Variants in GRID2IP observed in about 807,000 individuals in gnomAD.
GRID2IP encodes the protein Grid2 interacting protein.
GRID2IP carries 78 observed loss-of-function variants against 114.3 expected under a neutral mutation model. That is an observed-to-expected ratio of 0.68 (90% CI 0.57 to 0.82). The LOEUF (loss-of-function observed/expected upper bound fraction) is 0.82. GRID2IP is among the 40% of genes least tolerant of loss of function. The pLI is 0.00. For missense variants in GRID2IP, 1,727 were observed against 1,678.5 expected, an observed-to-expected ratio of 1.03 and a Z score of -0.51; for synonymous variants, 809 against 724.0, an observed-to-expected ratio of 1.12 and a Z score of -1.89.
chr7:6,517,724 G>A (rs1779336679), intron 7 of GRID2IP, among the ~76,000 whole-genome samples: 1 of 151,508 alleles, frequency 6.6e-6, no homozygotes. Flanking sequence ...CCAACATGGT[G>A]AAACCCCATC....
Position 6,551,419 on chromosome 7 carries a change from C to T in GRID2IP, c.18G>A (p.Thr6=), listed in dbSNP as rs759370897. The change falls in exon 1 of 22, where the codon ACG becomes ACA. Residue 6 remains threonine (T), a synonymous_variant. Transcript: ENST00000457091. MATTA[T]PATNQGWPED... is the part of the protein sequence containing the mutation. ...CTGGCCAGCCCTGGTTCGTGGCCGG[C>T]GTGGCAGTGGTGGCCATGCACCTAG... The T allele has an allele frequency of 1.2e-5, 18 of 1,543,964 alleles. No homozygotes were observed. The highest frequency in any genetic ancestry group is 6.9e-5 in the African/African-American group (5 of 72,384).
rs949591707 is a variant in GRID2IP, at chr7:6,510,381, T to G, written c.1673A>C (p.Glu558Ala). 2 of 1,541,538 alleles carry G rather than the reference T, an allele frequency of 1.3e-6. No individual in the cohort carries two copies. Among genetic ancestry groups the G allele is most frequent in the African/African-American group, 2.8e-5 (2 of 72,542 alleles). Residue 558 changes from glutamate (E) to alanine (A), a missense_variant, in exon 11 of 22, where the codon GAG becomes GCG. Glu to Ala is a moderately radical substitution (Grantham distance 107). Transcript: ENST00000457091. ...NPKMMSAVYA[E>A]LESRLNSSFK... ...GCTGCTGTTCAGTCGAGACTCAAGCTCTGCATAGACGGCTGACATCTGGAG... is the reference window on the plus strand; with the variant it reads ...GCTGCTGTTCAGTCGAGACTCAAGCGCTGCATAGACGGCTGACATCTGGAG...
chr7:6,512,251 T>G (rs1779188415), intron 8 of GRID2IP, among the ~76,000 whole-genome samples: 2 of 142,244 alleles, frequency 1.4e-5, no homozygotes, highest in South Asian at 4.5e-4. Flanking sequence ...TTTTTTTTTG[T>G]GACAGGTCTC....
chr7:6,534,257 C>A lies in GRID2IP; in HGVS notation c.584+5461G>T, dbSNP rs943472685. Among the ~76,000 whole-genome samples the A allele has an allele frequency of 2.6e-5, 4 of 152,170 alleles. No homozygotes were observed. The highest frequency in any genetic ancestry group is 9.7e-5 in the African/African-American group (4 of 41,442). On this transcript the variant is annotated intron_variant, in intron 2 of 21. Coordinates refer to ENST00000457091, the MANE Select transcript of GRID2IP (RefSeq NM_001145118.2). This position sits in a 1 kb window ranked among gnomAD's most constrained non-coding sequence, Gnocchi z 4.5. The stretch of plus-strand genomic sequence containing the variant: ...GAATCCCAGCTTCTACCATGACCTG[C>A]CCCTGACCTGACACCCCGTTCCCCC...
At chr7:6,533,692 T>TA (rs1779676074) in intron 2 of GRID2IP, among the ~76,000 whole-genome samples, 1 of 150,008 alleles carries the variant, frequency 6.7e-6, no homozygotes, top group African/African-American at 2.5e-5. Flanking sequence ...TTTTTTTTTT[T>TA]AAGAGATGGG....
rs1786282976 is a variant in GRID2IP, at chr7:6,497,405, A to G, written c.*369T>C. On this transcript the variant is annotated 3_prime_UTR_variant, in exon 22 of 22. Transcript: ENST00000457091. ...GTCGGCCCCCTCACAGGGACCCACT[A>G]GGAGCAGGATCAGAAAAAAGGTCCA... 1.7e-5 allele frequency: 3 copies of G among 175,220 alleles called. No individual in the cohort carries two copies. The South Asian group carries it at 5.1e-4, about 30-fold the overall frequency. 10.9% of individuals were successfully genotyped at this position (175,220 alleles called of 1,614,324 possible). A position where few individuals can be genotyped will look rare whatever the true frequency, so the allele number is the denominator to read the frequency against.
At chr7:6,535,132 G>A (rs942589164) in intron 2 of GRID2IP, among the ~76,000 whole-genome samples, 5 of 152,148 alleles carry the variant, frequency 3.3e-5, no homozygotes, top group Non-Finnish European at 7.4e-5. Flanking sequence ...TGATCCACCC[G>A]CCTCGGCCTC....
chr7:6,500,717 C>T (rs1786391462), intron 20 of GRID2IP, among the ~76,000 whole-genome samples: 1 of 152,252 alleles, frequency 6.6e-6, no homozygotes, highest in Non-Finnish European at 1.5e-5. Flanking sequence ...AGAGCTCTCC[C>T]CCTTACCTAG....
Position 6,551,437 on chromosome 7 carries a change from G to A in GRID2IP, c.-1C>T. The A allele has an allele frequency of 6.5e-7, 1 of 1,542,772 alleles. No homozygotes were observed. The highest frequency in any genetic ancestry group is 8.7e-7 in the Non-Finnish European group (1 of 1,143,282). On this transcript the variant is annotated 5_prime_UTR_variant, in exon 1 of 22. Coordinates refer to ENST00000457091, the MANE Select transcript of GRID2IP (RefSeq NM_001145118.2). ...TGGCCGGCGTGGCAGTGGTGGCCAT[G>A]CACCTAGAACTGGAGACAGAACAGG...
chr7:6,520,700 C>T lies in GRID2IP; in HGVS notation c.1146G>A (p.Ala382=), dbSNP rs1018844708. ...CCCGGATGCTGGACGGCAGGATCTC[C>T]GCCACCCACTGCAGGGAGGTGAGCG... ...SSALTSLQWV[A]EILPSSIRVQ... is the part of the protein sequence containing the mutation. The change falls in exon 7 of 22, where the codon GCG becomes GCA. Residue 382 remains alanine, a synonymous_variant. Transcript: ENST00000457091. This position sits in a 1 kb window ranked among gnomAD's most constrained non-coding sequence, Gnocchi z 4.6. The T allele has an allele frequency of 8.4e-6, 13 of 1,551,650 alleles. No individual in the cohort carries two copies. Among genetic ancestry groups the T allele is most frequent in the South Asian group, 7.1e-5 (6 of 84,058 alleles).
chr7:6,550,791 G>A (rs2115105912), intron 1 of GRID2IP, among the ~76,000 whole-genome samples: 1 of 151,756 alleles, frequency 6.6e-6, no homozygotes, highest in South Asian at 2.1e-4. Flanking sequence ...CCTGGCCACT[G>A]CACTCCAGCT....
chr7:6,504,508 G>C (rs1459233283), intron 15 of GRID2IP, among the ~76,000 whole-genome samples: 4 of 152,064 alleles, frequency 2.6e-5, no homozygotes, highest in Admixed American at 2.0e-4. Context: ...GGGTCTATGG[G>C]GGTCGGGCCA....
At position 6,551,242 on chromosome 7, in the gene GRID2IP, G is replaced by A. The variant is rs1310899786; in HGVS notation, c.195C>T (p.Leu65=). 2 of 1,530,710 alleles carry A rather than the reference G, an allele frequency of 1.3e-6. No individual in the cohort carries two copies. Among genetic ancestry groups the A allele is most frequent in the African/African-American group, 2.8e-5 (2 of 72,378 alleles). The allele number at this position is 1,530,710 out of a possible 1,614,324, so 94.8% of individuals were successfully genotyped here. ...GTGGGCAGCGCCGTGCCAGGCGCACGAGGCGCTCGCGGCTCAGACCGCCCA... is the reference window on the plus strand; with the variant it reads ...GTGGGCAGCGCCGTGCCAGGCGCACAAGGCGCTCGCGGCTCAGACCGCCCA... ...LAVGGLSRER[L]VRLARRCPRV... Residue 65 remains leucine, a synonymous_variant, in exon 1 of 22, where the codon CTC becomes CTT. Coordinates refer to ENST00000457091, the MANE Select transcript of GRID2IP (RefSeq NM_001145118.2).
chr7:6,497,964 G>A, intron 21 of GRID2IP, 100 bp downstream of exon 21: 1 of 1,415,038 alleles, frequency 7.1e-7, no homozygotes, highest in Admixed American at 2.3e-5. Flanking sequence ...GTCGCTCACT[G>A]GAGCCCCTTT....
intron 2 of GRID2IP, among the ~76,000 whole-genome samples, chr7:6,539,163 C>T (rs1439114327): frequency 2.0e-5 from 3 of 149,548 alleles, no homozygotes; most frequent in South Asian, 4.2e-4. Flanking sequence ...GTGTCTTGCT[C>T]TGTCATCCAG....
chr7:6,549,645 G>C (rs1238421024), intron 1 of GRID2IP, among the ~76,000 whole-genome samples: 1 of 152,090 alleles, frequency 6.6e-6, no homozygotes, highest in African/African-American at 2.4e-5. Context: ...GAGGGGAATG[G>C]AGTCTCACTC....
intron 7 of GRID2IP, 48 bp from the exon 8 acceptor site, chr7:6,514,577 A>G (rs944508640): frequency 7.6e-6 from 11 of 1,438,514 alleles, no homozygotes; most frequent in Non-Finnish European, 1.0e-5. Flanking sequence ...CGGGCTTACC[A>G]TGATGCACAG....
Position 6,521,271 on chromosome 7 carries a change from TC to T in GRID2IP, c.1084+157del, listed in dbSNP as rs1223221675. Among the ~76,000 whole-genome samples, 1 of 152,066 alleles carries T rather than the reference TC, an allele frequency of 6.6e-6. No homozygotes were observed. Among genetic ancestry groups the T allele is most frequent in the African/African-American group, 2.4e-5 (1 of 41,430 alleles). On this transcript the variant is annotated intron_variant, in intron 6 of 21. Coordinates refer to ENST00000457091, the MANE Select transcript of GRID2IP (RefSeq NM_001145118.2). This position sits in a 1 kb window ranked among gnomAD's most constrained non-coding sequence, Gnocchi z 4.1. ...CAGGCATGAGCCACCATGCCCAGCC[TC>T]ACTGGGGTTCTATAGCACCACTTAG...
rs747668983 is a variant in GRID2IP, at chr7:6,506,101, G to A, written c.2545-194C>T. 3.9e-5 allele frequency among the ~76,000 whole-genome samples: 6 copies of A among 152,214 alleles called. No individual in the cohort carries two copies. Among genetic ancestry groups the A allele is most frequent in the Non-Finnish European group, 5.9e-5 (4 of 68,038 alleles). ...CCGAGTCACCGGGTGCTGAGCCAGC[G>A]CCTCCTGGGGTCAATCGAGACTCAA... On this transcript the variant is annotated intron_variant, in intron 13 of 21. Coordinates refer to ENST00000457091, the MANE Select transcript of GRID2IP (RefSeq NM_001145118.2). The surrounding 1 kb of genome is among the most constrained non-coding windows in gnomAD (Gnocchi z 5.2).
Sources: gnomAD v4.1 joint callset for allele counts (sites outside exome capture counted in the v4.1 genomes callset) on GRCh38, gnomAD v4.1.1 for gene constraint, Gnocchi (gnomAD v3.1) non-coding constraint, MANE v1.5 for transcripts, NCBI Gene and HGNC (gene_info 2026-07-23, HGNC 2026-07-21) for gene names.